The following PRKCE variants were observed in gnomAD, a reference collection of about 807,000 sequenced individuals.
The protein encoded by PRKCE is protein kinase C epsilon.
A neutral mutation model predicts 85.4 loss-of-function variants in PRKCE; 16 were observed. That is an observed-to-expected ratio of 0.19 (90% CI 0.13 to 0.28). The LOEUF is 0.28. PRKCE is among the 10% of genes least tolerant of loss of function. The probability of loss-of-function intolerance (pLI) is 1.00; values close to 1 mark genes in which losing one functional copy is unlikely to be tolerated. For missense variants in PRKCE, 573 were observed against 975.2 expected, an observed-to-expected ratio of 0.59 and a Z score of 5.49; for synonymous variants, 388 against 371.5, an observed-to-expected ratio of 1.04 and a Z score of -0.51.
intron 2 of PRKCE, among the ~76,000 whole-genome samples, chr2:45,903,312 A>C (rs1412693367): frequency 6.6e-6 from 1 of 152,216 alleles, no homozygotes; most frequent in Non-Finnish European, 1.5e-5. Flanking sequence ...ACAGGCTTTA[A>C]AAAATACTAA....
chr2:45,660,339 G>C (rs1179327503), intron 1 of PRKCE, among the ~76,000 whole-genome samples: 3 of 152,144 alleles, frequency 2.0e-5, no homozygotes, highest in Non-Finnish European at 4.4e-5. Flanking sequence ...ATGAGAGAAT[G>C]CTATATTATT....
At chr2:45,799,381 A>G (rs1031983695) in intron 1 of PRKCE, among the ~76,000 whole-genome samples, 30 of 152,130 alleles carry the variant, frequency 2.0e-4, no homozygotes, top group African/African-American at 6.5e-4. Flanking sequence ...GATAAATTGT[A>G]GTAAATATAA....
intron 1 of PRKCE, among the ~76,000 whole-genome samples, chr2:45,841,999 G>A (rs2105479090): frequency 6.6e-6 from 1 of 152,342 alleles, no homozygotes; most frequent in Non-Finnish European, 1.5e-5. Flanking sequence ...GCTCTGTGTA[G>A]ACAGATGGGA....
chr2:46,035,072 C>T, intron 10 of PRKCE, among the ~76,000 whole-genome samples: 2 of 152,214 alleles, frequency 1.3e-5, no homozygotes, highest in East Asian at 3.9e-4. Flanking sequence ...GAAGGTCTCA[C>T]CCTTCCTCTT....
At chr2:45,791,716 A>T (rs1687045433) in intron 1 of PRKCE, among the ~76,000 whole-genome samples, 2 of 152,194 alleles carry the variant, frequency 1.3e-5, no homozygotes, top group South Asian at 4.1e-4. Flanking sequence ...CCTTTCCTTG[A>T]TGCTGGGTTA....
At chr2:45,787,354 C>CAG (rs57126648) in intron 1 of PRKCE, among the ~76,000 whole-genome samples, 5,603 of 151,256 alleles carry the variant, frequency 0.037, 219 homozygotes, top group East Asian at 0.12. Flanking sequence ...GAGACAGAGA[C>CAG]AGAGAGAGAG....
At position 46,159,656 on chromosome 2, in the gene PRKCE, T is replaced by A; in HGVS notation, c.1971T>A (p.Asn657Lys). 1 of 1,599,486 alleles carries A rather than the reference T, an allele frequency of 6.3e-7. No individual in the cohort carries two copies. The highest frequency in any genetic ancestry group is 8.5e-7 in the Non-Finnish European group (1 of 1,179,844). ...GCCTGGGCTGTGTGGCATCGCAGAA[T>A]GGCGAGGACGCCATCAAGCAGCACC... ...HKRLGCVASQ[N>K]GEDAIKQHPF... Residue 657 changes from asparagine to lysine, a missense_variant, in exon 14 of 15, where the codon AAT becomes AAA. Coordinates refer to ENST00000306156, the MANE Select transcript of PRKCE (RefSeq NM_005400.3). This position sits in a 1 kb window ranked among gnomAD's most constrained non-coding sequence, Gnocchi z 4.1.
At chr2:45,653,384 T>TG (rs1481666244) in intron 1 of PRKCE, among the ~76,000 whole-genome samples, 1 of 144,362 alleles carries the variant, frequency 6.9e-6, no homozygotes, top group Non-Finnish European at 1.5e-5. Flanking sequence ...TTTTTTTTTT[T>TG]TTTTTTTTTT....
intron 1 of PRKCE, among the ~76,000 whole-genome samples, chr2:45,670,801 G>A (rs939966310): frequency 3.3e-5 from 5 of 152,164 alleles, no homozygotes; most frequent in African/African-American, 9.7e-5. Flanking sequence ...AGGATGGATC[G>A]GATAGACTGG....
At chr2:45,810,205 T>C (rs1411736412) in intron 1 of PRKCE, among the ~76,000 whole-genome samples, 1 of 151,898 alleles carries the variant, frequency 6.6e-6, no homozygotes, top group Non-Finnish European at 1.5e-5. Flanking sequence ...CATGCCCGGC[T>C]AATTTTTGTA....
At chr2:45,882,184 C>T (rs982584407) in intron 2 of PRKCE, among the ~76,000 whole-genome samples, 8 of 152,106 alleles carry the variant, frequency 5.3e-5, no homozygotes, top group Admixed American at 2.0e-4. Context: ...TAATATGTGG[C>T]GACTGGGTTT....
At chr2:45,986,917 G>A (rs1703374604) in intron 6 of PRKCE, among the ~76,000 whole-genome samples, 1 of 152,120 alleles carries the variant, frequency 6.6e-6, no homozygotes, top group South Asian at 2.1e-4. Context: ...GAAGAAGGGA[G>A]GGGAGCAGGA....
intron 1 of PRKCE, among the ~76,000 whole-genome samples, chr2:45,841,115 A>G (rs61106841): frequency 0.48 from 72,492 of 152,022 alleles, 17,671 homozygotes; most frequent in African/African-American, 0.58. Flanking sequence ...CAGGACAGAG[A>G]GGTAGATGGA....
At chr2:46,137,321 T>C (rs1675099318) in intron 11 of PRKCE, among the ~76,000 whole-genome samples, 1 of 152,224 alleles carries the variant, frequency 6.6e-6, no homozygotes, top group Non-Finnish European at 1.5e-5. Context: ...AGATCACATG[T>C]AGGCACAAAC....
chr2:45,746,646 G>T (rs911006811), intron 1 of PRKCE, among the ~76,000 whole-genome samples: 1 of 152,094 alleles, frequency 6.6e-6, no homozygotes, highest in Non-Finnish European at 1.5e-5. Flanking sequence ...ATCATTGCCC[G>T]TAATATTCTC....
intron 1 of PRKCE, among the ~76,000 whole-genome samples, chr2:45,762,204 C>T (rs574468755): frequency 1.3e-5 from 2 of 152,284 alleles, no homozygotes; most frequent in African/African-American, 4.8e-5. Context: ...CTCTTACTTC[C>T]GAAGGATTTA....
At chr2:45,987,227 C>T (rs1703400229) in intron 6 of PRKCE, among the ~76,000 whole-genome samples, 2 of 151,902 alleles carry the variant, frequency 1.3e-5, no homozygotes. Context: ...AGGAAATGCT[C>T]TTGCCCCTGC....
chr2:45,952,360 G>T (rs1473778777), intron 2 of PRKCE, among the ~76,000 whole-genome samples: 1 of 152,166 alleles, frequency 6.6e-6, no homozygotes, highest in Non-Finnish European at 1.5e-5. Context: ...TCACTATGCT[G>T]GGCTGTTCTT....
intron 2 of PRKCE, among the ~76,000 whole-genome samples, chr2:45,868,932 T>C (rs1044985824): frequency 6.8e-6 from 1 of 146,342 alleles, no homozygotes; most frequent in Non-Finnish European, 1.5e-5. Flanking sequence ...CACTCCAGCC[T>C]GAGTGACAGA....
Sources: gnomAD v4.1 joint callset for allele counts (sites outside exome capture counted in the v4.1 genomes callset) on GRCh38, gnomAD v4.1.1 for gene constraint, Gnocchi (gnomAD v3.1) non-coding constraint, MANE v1.5 for transcripts, NCBI Gene and HGNC (gene_info 2026-07-23, HGNC 2026-07-21) for gene names.